ZSWIM5: variants seen among roughly 807,000 people sequenced by gnomAD.
ZSWIM5 encodes the protein zinc finger SWIM domain-containing protein 5.
A neutral mutation model predicts 119.6 loss-of-function variants in ZSWIM5; 55 were observed. The observed-to-expected ratio is 0.46, with a 90% CI of 0.37 to 0.58. The LOEUF is 0.58. Among genes scored for constraint, ZSWIM5 ranks in the 20% least tolerant of loss-of-function variants. ZSWIM5 has a pLI of 0.00. For synonymous variants in ZSWIM5, 537 were observed against 606.9 expected, an observed-to-expected ratio of 0.88 and a Z score of 1.69; for missense variants, 1,193 against 1,512.8, an observed-to-expected ratio of 0.79 and a Z score of 3.51.
chr1:45,088,318 A>G lies in ZSWIM5; in HGVS notation c.596-81T>C, dbSNP rs943854781. On this transcript the variant is annotated intron_variant, in intron 1 of 13. Transcript: ENST00000359600. This position sits in a 1 kb window ranked among gnomAD's most constrained non-coding sequence, Gnocchi z 4.2. ...TCTCATTTTACATGTAAATTCATCA[A>G]TTCATAAATTATGTATTGGGTATCT... The G allele has an allele frequency of 9.6e-6, 10 of 1,044,758 alleles. No homozygotes were observed. Among genetic ancestry groups the G allele is most frequent in the Admixed American group, 2.8e-5 (1 of 36,318 alleles). 64.7% of individuals were successfully genotyped at this position (1,044,758 alleles called of 1,614,324 possible). A position where few individuals can be genotyped will look rare whatever the true frequency, so the allele number is the denominator to read the frequency against.
At chr1:45,118,828 T>C (rs1322078480) in intron 1 of ZSWIM5, among the ~76,000 whole-genome samples, 1 of 151,978 alleles carries the variant, frequency 6.6e-6, no homozygotes, top group Admixed American at 6.6e-5. Context: ...TGAGCACTAC[T>C]ATGTACTAGA....
At chr1:45,138,710 C>T (rs541602460) in intron 1 of ZSWIM5, among the ~76,000 whole-genome samples, 1 of 152,044 alleles carries the variant, frequency 6.6e-6, no homozygotes, top group African/African-American at 2.4e-5. Flanking sequence ...AGCCCCTCTC[C>T]CCTCCCCAGG....
chr1:45,168,944 T>G (rs563515110), intron 1 of ZSWIM5, among the ~76,000 whole-genome samples: 1 of 152,212 alleles, frequency 6.6e-6, no homozygotes, highest in Admixed American at 6.6e-5. Context: ...CATTTTATCT[T>G]ACCTGCCTGG....
At chr1:45,167,535 C>T (rs1214196817) in intron 1 of ZSWIM5, among the ~76,000 whole-genome samples, 2 of 152,124 alleles carry the variant, frequency 1.3e-5, no homozygotes, top group East Asian at 3.9e-4. Context: ...GGTGAACAGG[C>T]AACCTACAGA....
chr1:45,114,643 CT>C (rs374475671), intron 1 of ZSWIM5, among the ~76,000 whole-genome samples: 462 of 133,664 alleles, frequency 3.5e-3, no homozygotes, highest in Admixed American at 4.0e-3. Flanking sequence ...TACTCTGTAT[CT>C]TTTTTTTTTT....
chr1:45,078,641 AG>A (rs1645269600), intron 2 of ZSWIM5, among the ~76,000 whole-genome samples: 1 of 152,134 alleles, frequency 6.6e-6, no homozygotes, highest in South Asian at 2.1e-4. Flanking sequence ...GCACCAAACT[AG>A]GTCTCACCCA....
At chr1:45,037,417 C>A (rs537100286) in intron 8 of ZSWIM5, among the ~76,000 whole-genome samples, 44 of 152,258 alleles carry the variant, frequency 2.9e-4, no homozygotes, top group African/African-American at 9.9e-4. Flanking sequence ...GGCCCATCTC[C>A]TTCTTAATAT....
chr1:45,165,854 C>A lies in ZSWIM5; in HGVS notation c.595+39902G>T, dbSNP rs140720295. 9.7e-3 allele frequency among the ~76,000 whole-genome samples: 1,482 copies of A among 152,102 alleles called. 26 individuals are homozygous for A. The highest frequency in any genetic ancestry group is 0.034 in the African/African-American group (1,409 of 41,482). On this transcript the variant is annotated intron_variant, in intron 1 of 13. Transcript: ENST00000359600. ...CCTACCAACCAAAAAAAGTCCAGGA[C>A]CAGATGGATTCACAGCCGAATTCTA...
Position 45,017,223 on chromosome 1 carries a change from CA to C in ZSWIM5, c.*1230del, listed in dbSNP as rs1644859347. 1.3e-5 allele frequency: 2 copies of C among 152,212 alleles called. No homozygotes were observed. Among genetic ancestry groups the C allele is most frequent in the African/African-American group, 2.4e-5 (1 of 41,438 alleles). The allele number at this position is 152,212 out of a possible 1,614,324, so 9.4% of individuals were successfully genotyped here. On this transcript the variant is annotated 3_prime_UTR_variant, in exon 14 of 14. Transcript: ENST00000359600. ...AAAAGGACACATTGATGCAGATCCT[CA>C]AACATGAATACACAGACATCCCTAC...
Position 45,152,249 on chromosome 1 carries a change from A to G in ZSWIM5, c.595+53507T>C, listed in dbSNP as rs375140491. On this transcript the variant is annotated intron_variant, in intron 1 of 13. Coordinates refer to ENST00000359600, the MANE Select transcript of ZSWIM5 (RefSeq NM_020883.2). ...TTCAGAAAGATCTGACCAAAAAAAAAGTGAAGAACAGAGAAGAGAAAGTCA... is the reference window on the plus strand; with the variant it reads ...TTCAGAAAGATCTGACCAAAAAAAAGGTGAAGAACAGAGAAGAGAAAGTCA... 3.5e-4 allele frequency among the ~76,000 whole-genome samples: 53 copies of G among 152,292 alleles called. 2 individuals are homozygous for G. Among genetic ancestry groups the G allele is most frequent in the African/African-American group, 1.3e-3 (52 of 41,564 alleles).
intron 1 of ZSWIM5, among the ~76,000 whole-genome samples, chr1:45,137,641 C>A (rs1406859687): frequency 6.6e-6 from 1 of 151,938 alleles, no homozygotes; most frequent in African/African-American, 2.4e-5. Context: ...AGGCAATAGA[C>A]AATATAAAGA....
intron 1 of ZSWIM5, among the ~76,000 whole-genome samples, chr1:45,164,477 C>T (rs1435282058): frequency 6.6e-6 from 1 of 152,064 alleles, no homozygotes; most frequent in Non-Finnish European, 1.5e-5. Flanking sequence ...ACAATATTAA[C>T]ATTAAATGTA....
chr1:45,159,691 C>T (rs1483797398), intron 1 of ZSWIM5, among the ~76,000 whole-genome samples: 4 of 151,896 alleles, frequency 2.6e-5, no homozygotes, highest in East Asian at 1.9e-4. Flanking sequence ...TGGGTTCAAG[C>T]GCTTCTCCTG....
At chr1:45,083,618 C>T (rs1570075381) in intron 2 of ZSWIM5, among the ~76,000 whole-genome samples, 2 of 152,282 alleles carry the variant, frequency 1.3e-5, no homozygotes, top group Admixed American at 1.3e-4. Context: ...AAAGACAGGT[C>T]CTTTGGCATG....
intron 1 of ZSWIM5, among the ~76,000 whole-genome samples, chr1:45,185,091 C>T (rs1353665636): frequency 4.6e-4 from 70 of 152,084 alleles, no homozygotes; most frequent in Non-Finnish European, 2.5e-4. Context: ...TCAGAAATAA[C>T]GCCGCATATC....
chr1:45,145,340 G>A (rs1259141170), intron 1 of ZSWIM5, among the ~76,000 whole-genome samples: 3 of 134,936 alleles, frequency 2.2e-5, no homozygotes, highest in East Asian at 2.2e-4. Context: ...GAAAAGTTAC[G>A]TTAACAAAAA....
At chr1:45,188,980 G>A (rs1304022384) in intron 1 of ZSWIM5, among the ~76,000 whole-genome samples, 1 of 152,192 alleles carries the variant, frequency 6.6e-6, no homozygotes, top group Non-Finnish European at 1.5e-5. Context: ...CTGGTTGAGT[G>A]ACTTCTTTTG....
intron 2 of ZSWIM5, among the ~76,000 whole-genome samples, chr1:45,078,855 T>C (rs562642002): frequency 1.3e-5 from 2 of 152,278 alleles, no homozygotes; most frequent in African/African-American, 2.4e-5. Context: ...TGCTGTTCCA[T>C]TGTACTGTGG....
At chr1:45,152,653 A>G (rs1026062829) in intron 1 of ZSWIM5, among the ~76,000 whole-genome samples, 6 of 152,186 alleles carry the variant, frequency 3.9e-5, no homozygotes, top group Non-Finnish European at 5.9e-5. Flanking sequence ...AGAATCATCT[A>G]TAAGAAAACC....
Sources: allele counts gnomAD v4.1 joint callset (sites outside exome capture counted in the v4.1 genomes callset), GRCh38; gene constraint gnomAD v4.1.1; non-coding constraint Gnocchi (gnomAD v3.1); transcripts MANE v1.5; gene names NCBI Gene and HGNC (gene_info 2026-07-23, HGNC 2026-07-21).